GARRE1: variants seen among roughly 807,000 people sequenced by gnomAD.
The protein encoded by GARRE1 is granule associated Rac and RHOG effector protein 1.
Under a neutral mutation model 103.2 loss-of-function variants are expected in GARRE1, and 49 were observed. That is an observed-to-expected ratio of 0.47 (90% CI 0.38 to 0.60). The LOEUF is 0.60. GARRE1 is among the 20% of genes least tolerant of loss of function. The pLI is 0.00. For synonymous variants in GARRE1, 505 were observed against 532.8 expected (o/e 0.95, Z 0.72); for missense variants, 1,199 against 1,370.5 (o/e 0.87, Z 1.98).
At position 34,344,313 on chromosome 19, in the gene GARRE1, G is replaced by A. The variant is rs941398068; in HGVS notation, c.2521+1858G>A. On this transcript the variant is annotated intron_variant, in intron 10 of 13. Coordinates refer to ENST00000299505, the MANE Select transcript of GARRE1 (RefSeq NM_014686.5). ...CCACCATAAGAGGACACTCCAGGCC[G>A]GGCGCTGTGGCTCACGCCTGTAATC... is the stretch of plus-strand genomic sequence containing the variant. Among the ~76,000 whole-genome samples the A allele has an allele frequency of 3.9e-5, 6 of 152,176 alleles. No individual in the cohort carries two copies. In the South Asian group the frequency reaches 6.2e-4, roughly 16 times the overall value.
At chr19:34,280,513 T>C (rs550627102) in intron 1 of GARRE1, among the ~76,000 whole-genome samples, 6 of 152,360 alleles carry the variant, frequency 3.9e-5, no homozygotes, top group South Asian at 4.1e-4. Flanking sequence ...TATGGATTGC[T>C]TTTTGCTTGT....
intron 2 of GARRE1, among the ~76,000 whole-genome samples, chr19:34,302,268 A>G (rs1246707049): frequency 7.0e-6 from 1 of 141,948 alleles, no homozygotes; most frequent in African/African-American, 2.6e-5. Flanking sequence ...CTGGGATTAC[A>G]GGCAGGAGCC....
chr19:34,286,942 A>G (rs2073890600), intron 1 of GARRE1, among the ~76,000 whole-genome samples: 1 of 152,038 alleles, frequency 6.6e-6, no homozygotes, highest in Non-Finnish European at 1.5e-5. Flanking sequence ...TATAGCATAC[A>G]TCAGAATCAT....
At chr19:34,301,745 C>T (rs1233137068) in intron 2 of GARRE1, among the ~76,000 whole-genome samples, 3 of 150,040 alleles carry the variant, frequency 2.0e-5, no homozygotes, top group East Asian at 2.0e-4. Flanking sequence ...TGCGGTGGCA[C>T]GATCTCGGCT....
chr19:34,300,647 C>T lies in GARRE1; in HGVS notation c.174C>T (p.Thr58=), dbSNP rs780342636. The change falls in exon 2 of 14, where the codon ACC becomes ACT. Residue 58 remains threonine (T), a synonymous_variant. Coordinates refer to ENST00000299505, the MANE Select transcript of GARRE1 (RefSeq NM_014686.5). Reference sequence around the variant, plus strand: ...CCACTGCCCCCCTGGGCAGTCTGACCGCTGCAGGCAGCTGCCACCATGCCA... The same window carrying T: ...CCACTGCCCCCCTGGGCAGTCTGACTGCTGCAGGCAGCTGCCACCATGCCA... The part of the protein sequence containing the change: ...TATTAPLGSL[T]AAGSCHHAMP... 24 of 1,613,710 alleles carry T rather than the reference C, an allele frequency of 1.5e-5. No homozygotes were observed. Among genetic ancestry groups the T allele is most frequent in the South Asian group, 4.4e-5 (4 of 91,084 alleles).
chr19:34,265,126 T>A (rs2073743726), intron 1 of GARRE1, among the ~76,000 whole-genome samples: 3 of 152,212 alleles, frequency 2.0e-5, no homozygotes, highest in African/African-American at 7.2e-5. Context: ...TCTGATTTTC[T>A]TACTAAAAAT....
At position 34,261,332 on chromosome 19, in the gene GARRE1, A is replaced by G. The variant is rs182345191; in HGVS notation, c.-796+6718A>G. 2.4e-3 allele frequency among the ~76,000 whole-genome samples: 364 copies of G among 152,294 alleles called. 1 individual carries two copies. Among genetic ancestry groups the G allele is most frequent in the Non-Finnish European group, 4.2e-3 (287 of 68,030 alleles). ...CTGAGCGTGCTACCCGGCACCTGTG[A>G]TAAGTATTCAATGACAGTATTAGCT... On this transcript the variant is annotated intron_variant, in intron 1 of 13. Transcript: ENST00000299505.
chr19:34,334,943 T>A (rs1448627569), intron 8 of GARRE1, among the ~76,000 whole-genome samples: 1 of 150,552 alleles, frequency 6.6e-6, no homozygotes, highest in Non-Finnish European at 1.5e-5. Context: ...AATCCCAGCT[T>A]AAGGCAGGAG....
Position 34,352,985 on chromosome 19 carries a change from T to C in GARRE1, c.*30T>C, listed in dbSNP as rs775798072. On this transcript the variant is annotated 3_prime_UTR_variant, in exon 14 of 14. Coordinates refer to ENST00000299505, the MANE Select transcript of GARRE1 (RefSeq NM_014686.5). ...AGGCCAGCCAGCCTGCCTGCCTGCC[T>C]GCCTGCCCGCCCAGAGCTGTGGGGA... 18 of 1,088,930 alleles carry C rather than the reference T, an allele frequency of 1.7e-5. No homozygotes were observed. The highest frequency in any genetic ancestry group is 2.4e-5 in the Admixed American group (1 of 40,884). 67.5% of individuals were successfully genotyped at this position (1,088,930 alleles called of 1,614,324 possible). A position where few individuals can be genotyped will look rare whatever the true frequency, so the allele number is the denominator to read the frequency against.
chr19:34,326,799 A>AAGGACAGTTTCT lies in GARRE1; in HGVS notation c.706-622_706-621insAGGACAGTTTCT, dbSNP rs2074113995. Among the ~76,000 whole-genome samples, 9 of 152,098 alleles carry AAGGACAGTTTCT rather than the reference A, an allele frequency of 5.9e-5. No homozygotes were observed. The East Asian group carries it at 1.5e-3, about 26-fold the overall frequency. ...TATATACACACATATATATGTGTGTATATACATATATATATAACAAATAAC... is the reference window on the plus strand; with the variant it reads ...TATATACACACATATATATGTGTGTAAGGACAGTTTCTTATACATATATATATAACAAATAAC... On this transcript the variant is annotated intron_variant, in intron 3 of 13. Transcript: ENST00000299505.
At chr19:34,309,102 A>G (rs1015968408) in intron 2 of GARRE1, among the ~76,000 whole-genome samples, 10 of 152,042 alleles carry the variant, frequency 6.6e-5, no homozygotes, top group African/African-American at 2.4e-4. Flanking sequence ...ACCCTGAAAT[A>G]ATCTAATCAA....
intron 8 of GARRE1, among the ~76,000 whole-genome samples, chr19:34,336,567 A>G (rs2074162207): frequency 6.6e-6 from 1 of 151,758 alleles, no homozygotes; most frequent in South Asian, 2.1e-4. Context: ...TCCTGGGTTC[A>G]AATGATTTTC....
chr19:34,347,503 A>G (rs1302218066), intron 10 of GARRE1, among the ~76,000 whole-genome samples: 1 of 152,268 alleles, frequency 6.6e-6, no homozygotes, highest in African/African-American at 2.4e-5. Flanking sequence ...CTAGGATTAC[A>G]GGAGTGAGCC....
At chr19:34,306,145 C>T (rs894099179) in intron 2 of GARRE1, among the ~76,000 whole-genome samples, 1 of 152,026 alleles carries the variant, frequency 6.6e-6, no homozygotes, top group African/African-American at 2.4e-5. Flanking sequence ...TGGATTTTTT[C>T]CTTTTGGTTT....
At chr19:34,324,672 A>C (rs866129091) in intron 3 of GARRE1, among the ~76,000 whole-genome samples, 1 of 151,606 alleles carries the variant, frequency 6.6e-6, no homozygotes, top group Non-Finnish European at 1.5e-5. Context: ...ATTTTATTTT[A>C]CTTTTTATTT....
At chr19:34,337,034 G>A (rs2074164021) in intron 8 of GARRE1, among the ~76,000 whole-genome samples, 1 of 147,074 alleles carries the variant, frequency 6.8e-6, no homozygotes. Flanking sequence ...TGGTAATTTT[G>A]CAAAATTTTA....
At chr19:34,273,410 A>G (rs1306386705) in intron 1 of GARRE1, among the ~76,000 whole-genome samples, 2 of 152,144 alleles carry the variant, frequency 1.3e-5, no homozygotes, top group African/African-American at 2.4e-5. Flanking sequence ...TTATTTATTT[A>G]TTTTAAGCAG....
intron 1 of GARRE1, chr19:34,285,256 A>G (rs1324017045): frequency 6.6e-6 from 1 of 152,198 alleles, no homozygotes; most frequent in African/African-American, 2.4e-5. Context: ...GATCACTGCC[A>G]TGAAGACAAA....
At chr19:34,270,746 T>A (rs1224408243) in intron 1 of GARRE1, among the ~76,000 whole-genome samples, 5 of 152,238 alleles carry the variant, frequency 3.3e-5, no homozygotes, top group Non-Finnish European at 7.3e-5. Context: ...AAAGTTTGTA[T>A]CATCTCCCCA....
Sources: gnomAD v4.1 joint callset for allele counts (sites outside exome capture counted in the v4.1 genomes callset) on GRCh38, gnomAD v4.1.1 for gene constraint, MANE v1.5 for transcripts, NCBI Gene and HGNC (gene_info 2026-07-23, HGNC 2026-07-21) for gene names.